Variants in KAT6A observed in about 807,000 individuals in gnomAD.
KAT6A encodes lysine acetyltransferase 6A.
A neutral mutation model predicts 198.4 loss-of-function variants in KAT6A; 9 were observed. The observed-to-expected ratio is 0.05, with a 90% confidence interval of 0.03 to 0.08. KAT6A has a LOEUF of 0.08. Ranked by LOEUF, KAT6A falls within the 10% of genes least tolerant of loss-of-function variation. The pLI is 1.00. For synonymous variants in KAT6A, 890 were observed against 883.0 expected (o/e 1.01, Z -0.14); for missense variants, 2,077 against 2,509.9 (o/e 0.83, Z 3.69).
At chr8:42,040,136 T>C (rs1827580412) in intron 2 of KAT6A, among the ~76,000 whole-genome samples, 1 of 151,916 alleles carries the variant, frequency 6.6e-6, no homozygotes, top group Non-Finnish European at 1.5e-5. Flanking sequence ...CTTTTGAGAC[T>C]TCAATAAGAA....
intron 1 of KAT6A, among the ~76,000 whole-genome samples, chr8:42,051,408 G>C (rs1425679335): frequency 6.6e-6 from 1 of 150,990 alleles, no homozygotes; most frequent in Non-Finnish European, 1.5e-5. Flanking sequence ...GCCGGAACCC[G>C]AGCCCGAGCC....
At chr8:41,946,501 C>CAT (rs1822401001) in intron 12 of KAT6A, 90 bp downstream of exon 12, 1 of 374,924 alleles carries the variant, frequency 2.7e-6, no homozygotes, top group African/African-American at 5.5e-5. Context: ...TATACACACA[C>CAT]ACACACACAC....
intron 2 of KAT6A, among the ~76,000 whole-genome samples, chr8:42,028,710 AT>A (rs1826965733): frequency 6.6e-6 from 1 of 152,176 alleles, no homozygotes; most frequent in African/African-American, 2.4e-5. Flanking sequence ...GTGGAATTTA[AT>A]CTGATTCAAG....
intron 2 of KAT6A, among the ~76,000 whole-genome samples, chr8:42,041,842 T>C (rs1024039875): frequency 2.6e-5 from 4 of 152,006 alleles, no homozygotes; most frequent in African/African-American, 9.7e-5. Flanking sequence ...AGCTACATTT[T>C]CCACGTCACT....
intron 9 of KAT6A, among the ~76,000 whole-genome samples, chr8:41,951,117 G>A (rs1822650047): frequency 6.6e-6 from 1 of 151,214 alleles, no homozygotes; most frequent in South Asian, 2.1e-4. Flanking sequence ...AGTAAATGAA[G>A]AGTTCATGCC....
At chr8:41,946,826 C>G (rs1822419959) in intron 11 of KAT6A, 142 bp from the exon 12 acceptor site, 5 of 612,516 alleles carry the variant, frequency 8.2e-6, no homozygotes. Context: ...AACAACTACC[C>G]AGCTGGGAGA....
chr8:42,017,029 C>T (rs1346376095), intron 2 of KAT6A, among the ~76,000 whole-genome samples: 2 of 152,050 alleles, frequency 1.3e-5, no homozygotes, highest in Non-Finnish European at 2.9e-5. Context: ...TTGATAGAGA[C>T]TACTTATTAG....
intron 2 of KAT6A, among the ~76,000 whole-genome samples, chr8:41,990,684 T>C (rs968923739): frequency 3.3e-5 from 5 of 152,030 alleles, no homozygotes; most frequent in Non-Finnish European, 5.9e-5. Context: ...ACCACTGATA[T>C]TAAGGGTTGA....
intron 2 of KAT6A, among the ~76,000 whole-genome samples, chr8:42,025,256 G>C (rs1826749648): frequency 6.6e-6 from 1 of 151,912 alleles, no homozygotes; most frequent in East Asian, 1.9e-4. Flanking sequence ...TTGTTGCCCA[G>C]GCTGGAGTGC....
intron 2 of KAT6A, among the ~76,000 whole-genome samples, chr8:42,031,897 CTAGGATTA>C (rs1206991713): frequency 1.3e-5 from 2 of 150,672 alleles, no homozygotes; most frequent in East Asian, 3.9e-4. Context: ...TCCCAAAGTC[CTAGGATTA>C]CAGGCGTGAG....
intron 2 of KAT6A, among the ~76,000 whole-genome samples, chr8:42,031,934 CT>C (rs75169732): frequency 1.6e-3 from 222 of 136,312 alleles, no homozygotes; most frequent in Admixed American, 2.3e-3. Context: ...CCTGGTCGTA[CT>C]TTTTTTTTTT....
intron 5 of KAT6A, among the ~76,000 whole-genome samples, chr8:41,979,896 G>A (rs1000448520): frequency 6.6e-6 from 1 of 152,178 alleles, no homozygotes; most frequent in East Asian, 1.9e-4. Flanking sequence ...CTACATGGGA[G>A]GCTGAGGCAG....
chr8:42,006,894 G>T (rs147993847), intron 2 of KAT6A, among the ~76,000 whole-genome samples: 1 of 150,864 alleles, frequency 6.6e-6, no homozygotes. Context: ...TACTTGGGAG[G>T]CTGAGGCACA....
intron 2 of KAT6A, among the ~76,000 whole-genome samples, chr8:41,991,756 T>C (rs1033544770): frequency 3.1e-4 from 47 of 151,926 alleles, no homozygotes; most frequent in Non-Finnish European, 1.0e-4. Context: ...GATATCAACA[T>C]ACAGGTGATA....
intron 1 of KAT6A, among the ~76,000 whole-genome samples, chr8:42,050,251 A>C (rs1187907117): frequency 6.6e-6 from 1 of 152,246 alleles, no homozygotes; most frequent in African/African-American, 2.4e-5. Flanking sequence ...AAACATAAAC[A>C]GAAATGTACT....
intron 1 of KAT6A, among the ~76,000 whole-genome samples, chr8:42,051,172 C>A (rs940626115): frequency 2.0e-5 from 3 of 152,100 alleles, no homozygotes; most frequent in African/African-American, 7.2e-5. Flanking sequence ...CTCTGGGGGC[C>A]GGCTCGAGGG....
chr8:42,045,272 G>A (rs1163360645), intron 2 of KAT6A, among the ~76,000 whole-genome samples: 4 of 152,162 alleles, frequency 2.6e-5, no homozygotes, highest in African/African-American at 7.2e-5. Flanking sequence ...AGTTACTTCA[G>A]TTAACACTAT....
chr8:41,931,164 G>A lies in KAT6A; in HGVS notation c.*1041C>T. 4.5e-6 allele frequency: 1 copy of A among 221,918 alleles called. No homozygotes were observed. The allele number at this position is 221,918 out of a possible 1,614,324, so 13.7% of individuals were successfully genotyped here. A position where few individuals can be genotyped will look rare whatever the true frequency, so the allele number is the denominator to read the frequency against. On this transcript the variant is annotated 3_prime_UTR_variant, in exon 17 of 17. Transcript: ENST00000265713. ...AACAATTTAAGAAAGAACCTAAGAG[G>A]CAAATCACTGGGGACTGCTATTTGA...
chr8:42,012,329 C>A (rs1288754813), intron 2 of KAT6A, among the ~76,000 whole-genome samples: 1 of 152,146 alleles, frequency 6.6e-6, no homozygotes, highest in African/African-American at 2.4e-5. Context: ...TCCTTCGAAC[C>A]TGTAAAGGAT....
Sources: gnomAD v4.1 joint callset for allele counts (sites outside exome capture counted in the v4.1 genomes callset) on GRCh38, gnomAD v4.1.1 for gene constraint, MANE v1.5 for transcripts, NCBI Gene and HGNC (gene_info 2026-07-23, HGNC 2026-07-21) for gene names.